Variants in CSNK2A2IP observed in about 807,000 individuals in gnomAD.
CSNK2A2IP encodes the protein casein kinase 2 subunit alpha' interacting protein, also known as casein kinase II subunit alpha'-interacting protein.
At chr3:88,421,648 C>A in the CSNK2A2IP span, among the ~76,000 whole-genome samples, 1 of 152,124 alleles carries the variant, frequency 6.6e-6, no homozygotes, top group Non-Finnish European at 1.5e-5. Context: ...AACTCCTAAC[C>A]TCAGATGATC....
At chr3:88,415,748 C>T in the CSNK2A2IP span, among the ~76,000 whole-genome samples, 37 of 152,090 alleles carry the variant, frequency 2.4e-4, no homozygotes, top group East Asian at 7.0e-3. Flanking sequence ...TCAAGAACCA[C>T]AGTGGTGCAC....
the CSNK2A2IP span, among the ~76,000 whole-genome samples, chr3:88,362,845 G>C: frequency 6.6e-6 from 1 of 152,170 alleles, no homozygotes; most frequent in Non-Finnish European, 1.5e-5. Flanking sequence ...GCAAGACAAA[G>C]TCCTTTGTAG....
chr3:88,373,437 G>A, the CSNK2A2IP span, among the ~76,000 whole-genome samples: 4 of 151,308 alleles, frequency 2.6e-5, no homozygotes, highest in African/African-American at 9.7e-5. Flanking sequence ...GAATGAAATT[G>A]AAATCACAAA....
At chr3:88,358,482 A>G in the CSNK2A2IP span, among the ~76,000 whole-genome samples, 2 of 151,556 alleles carry the variant, frequency 1.3e-5, no homozygotes, top group East Asian at 1.9e-4. Flanking sequence ...CACGGCCCCC[A>G]TTGTTTTGAG....
At chr3:88,460,098 T>C in the CSNK2A2IP span, among the ~76,000 whole-genome samples, 1 of 152,150 alleles carries the variant, frequency 6.6e-6, no homozygotes, top group East Asian at 1.9e-4. Flanking sequence ...ACATTATAAA[T>C]ATCTGTTTAT....
chr3:88,363,184 A>T, the CSNK2A2IP span, among the ~76,000 whole-genome samples: 1 of 152,128 alleles, frequency 6.6e-6, no homozygotes, highest in Non-Finnish European at 1.5e-5. Flanking sequence ...TACCCTCTTC[A>T]AGGCTTCTTT....
chr3:88,359,622 C>T, the CSNK2A2IP span, among the ~76,000 whole-genome samples: 1 of 152,022 alleles, frequency 6.6e-6, no homozygotes, highest in South Asian at 2.1e-4. Flanking sequence ...TTTAAAGACC[C>T]AATGGTCATT....
chr3:88,401,151 C>G, the CSNK2A2IP span, among the ~76,000 whole-genome samples: 1 of 151,986 alleles, frequency 6.6e-6, no homozygotes, highest in African/African-American at 2.4e-5. Flanking sequence ...GACTATTGTT[C>G]TTTGTTTTTT....
chr3:88,407,591 A>C, the CSNK2A2IP span, among the ~76,000 whole-genome samples: 1 of 152,198 alleles, frequency 6.6e-6, no homozygotes, highest in Non-Finnish European at 1.5e-5. Flanking sequence ...ACAGGTGGCC[A>C]TATAGGCTGA....
chr3:88,399,115 G>A, the CSNK2A2IP span, among the ~76,000 whole-genome samples: 1 of 152,068 alleles, frequency 6.6e-6, no homozygotes, highest in African/African-American at 2.4e-5. Flanking sequence ...TATAGGTGGT[G>A]TTTTTTAATG....
the CSNK2A2IP span, among the ~76,000 whole-genome samples, chr3:88,460,946 G>C: frequency 1.3e-5 from 2 of 152,052 alleles, no homozygotes; most frequent in East Asian, 3.9e-4. Context: ...AATTAGCTGG[G>C]CGTGGTGGTG....
At chr3:88,466,057 T>C in the CSNK2A2IP span, 6 of 1,231,524 alleles carry the variant, frequency 4.9e-6, no homozygotes, top group African/African-American at 1.6e-5. Flanking sequence ...GACATCTTCA[T>C]TGCAGCGCAA....
At chr3:88,421,338 A>C in the CSNK2A2IP span, among the ~76,000 whole-genome samples, 16 of 152,184 alleles carry the variant, frequency 1.1e-4, no homozygotes, top group African/African-American at 3.9e-4. Flanking sequence ...ACAAGGCAGC[A>C]CTGCCTCCCA....
the CSNK2A2IP span, among the ~76,000 whole-genome samples, chr3:88,446,242 C>T: frequency 1.3e-5 from 2 of 152,100 alleles, no homozygotes; most frequent in African/African-American, 4.8e-5. Flanking sequence ...GCGCATGCCA[C>T]TACGCCCAGC....
the CSNK2A2IP span, among the ~76,000 whole-genome samples, chr3:88,368,694 A>C: frequency 1.3e-5 from 2 of 152,062 alleles, no homozygotes; most frequent in Non-Finnish European, 2.9e-5. Context: ...GTTTGATCCC[A>C]TGATTCGGAA....
the CSNK2A2IP span, among the ~76,000 whole-genome samples, chr3:88,418,463 T>TGTGTGTGTGTGTGTGTGCGCGC: frequency 6.7e-6 from 1 of 149,536 alleles, no homozygotes. Flanking sequence ...TGTGTGTGTG[T>TGTGTGTGTGTGTGTGTGCGCGC]GCGCGCGGGC....
the CSNK2A2IP span, among the ~76,000 whole-genome samples, chr3:88,350,613 A>AC: frequency 0.014 from 2,108 of 151,724 alleles, 58 homozygotes; most frequent in African/African-American, 0.049. Flanking sequence ...AAAAAAAAAA[A>AC]CAGCTTCACA....
the CSNK2A2IP span, among the ~76,000 whole-genome samples, chr3:88,390,802 A>G: frequency 5.9e-5 from 9 of 152,328 alleles, no homozygotes; most frequent in Non-Finnish European, 1.3e-4. Context: ...AGGTTTCTGC[A>G]TCATGTATTT....
chr3:88,340,446 G>A, the CSNK2A2IP span, among the ~76,000 whole-genome samples: 1 of 151,976 alleles, frequency 6.6e-6, no homozygotes, highest in East Asian at 1.9e-4. Flanking sequence ...CTAATTCACT[G>A]GTAAGTTTCT....
Sources: allele counts gnomAD v4.1 joint callset (sites outside exome capture counted in the v4.1 genomes callset), GRCh38; gene constraint gnomAD v4.1.1; transcripts MANE v1.5; gene names NCBI Gene and HGNC (gene_info 2026-07-23, HGNC 2026-07-21).